RPGRIP1L: variants seen among roughly 807,000 people sequenced by gnomAD.
RPGRIP1L encodes the protein RPGRIP1 like.
A neutral mutation model predicts 160.4 loss-of-function variants in RPGRIP1L; 131 were observed. The observed-to-expected ratio is 0.82, with a 90% CI of 0.71 to 0.94. The LOEUF is 0.94. Among genes scored for constraint, RPGRIP1L ranks in the 40% least tolerant of loss-of-function variants. RPGRIP1L has a pLI of 0.00. For missense variants in RPGRIP1L, 1,522 were observed against 1,535.8 expected (o/e 0.99, Z 0.15); for synonymous variants, 510 against 515.8 (o/e 0.99, Z 0.15).
At chr16:53,698,124 G>A (rs1203760973) in intron 2 of RPGRIP1L, among the ~76,000 whole-genome samples, 11 of 150,650 alleles carry the variant, frequency 7.3e-5, no homozygotes, top group South Asian at 2.1e-4. Flanking sequence ...CCCTCCGCCC[G>A]GCAACCGCCC....
intron 22 of RPGRIP1L, among the ~76,000 whole-genome samples, chr16:53,633,774 T>G (rs994842348): frequency 6.6e-6 from 1 of 151,944 alleles, no homozygotes; most frequent in Admixed American, 6.6e-5. Context: ...AGACTAGAAA[T>G]GATAAAACAA....
intron 22 of RPGRIP1L, 22 bp downstream of exon 22, chr16:53,636,417 T>G (rs762612714): frequency 4.6e-6 from 7 of 1,520,968 alleles, no homozygotes; most frequent in Non-Finnish European, 5.5e-6. Context: ...AGAACATTTC[T>G]AGTTGGCATC....
chr16:53,605,634 A>C lies in RPGRIP1L; in HGVS notation c.3702-20T>G, dbSNP rs1300890769. The C allele has an allele frequency of 1.2e-6, 2 of 1,613,486 alleles. No homozygotes were observed. The highest frequency in any genetic ancestry group is 3.3e-5 in the Admixed American group (2 of 60,016). ...CGAAGGCTGGTAAGGCAGAGATCAG[A>C]GAAAGTCACCACCAAGTGAGAAGAA... On this transcript the variant is annotated intron_variant, in intron 25 of 26. Coordinates refer to ENST00000647211, the MANE Select transcript of RPGRIP1L (RefSeq NM_015272.5).
At chr16:53,656,277 T>C (rs961577433) in intron 14 of RPGRIP1L, among the ~76,000 whole-genome samples, 195 bp downstream of exon 14, 10 of 151,952 alleles carry the variant, frequency 6.6e-5, no homozygotes, top group African/African-American at 2.2e-4. Context: ...CTGGGCAACA[T>C]AGGCTCTACA....
At chr16:53,610,907 T>G in intron 25 of RPGRIP1L, 60 bp downstream of exon 25, 1 of 1,317,566 alleles carries the variant, frequency 7.6e-7, no homozygotes, top group South Asian at 1.2e-5. Flanking sequence ...TTTAACCATG[T>G]CCTGCTACAG....
chr16:53,640,112 T>C (rs966676796), intron 19 of RPGRIP1L, among the ~76,000 whole-genome samples: 23 of 152,192 alleles, frequency 1.5e-4, no homozygotes, highest in Non-Finnish European at 2.2e-4. Flanking sequence ...CTTTTGTGGA[T>C]GACCTGGGTG....
intron 22 of RPGRIP1L, among the ~76,000 whole-genome samples, chr16:53,634,571 C>A (rs1965715029): frequency 1.3e-5 from 2 of 152,074 alleles, no homozygotes; most frequent in African/African-American, 2.4e-5. Flanking sequence ...GGGAGCAAAT[C>A]CCACACGAAT....
At chr16:53,698,526 C>T (rs1403271260) in intron 2 of RPGRIP1L, among the ~76,000 whole-genome samples, 2 of 147,172 alleles carry the variant, frequency 1.4e-5, no homozygotes, top group Admixed American at 6.6e-5. Flanking sequence ...CCAGCCGCCC[C>T]GTCTGGGAGG....
At chr16:53,680,656 A>G (rs1175027513) in intron 6 of RPGRIP1L, among the ~76,000 whole-genome samples, 1 of 152,146 alleles carries the variant, frequency 6.6e-6, no homozygotes, top group Non-Finnish European at 1.5e-5. Flanking sequence ...TGTATCATTC[A>G]TTGTTAAGTG....
Position 53,598,787 on chromosome 16 carries a change from G to A in RPGRIP1L, c.*3289C>T, listed in dbSNP as rs965096468. On this transcript the variant is annotated 3_prime_UTR_variant, in exon 27 of 27. Transcript: ENST00000647211. ...TCAGGCATGAGTGACTTATTAAAATGTACTCTGATAGTTGGGGATGAATTA... is the reference window on the plus strand; with the variant it reads ...TCAGGCATGAGTGACTTATTAAAATATACTCTGATAGTTGGGGATGAATTA... 1 of 152,160 alleles carries A rather than the reference G, an allele frequency of 6.6e-6. No individual in the cohort carries two copies. The highest frequency in any genetic ancestry group is 1.5e-5 in the Non-Finnish European group (1 of 68,030). 9.4% of individuals were successfully genotyped at this position (152,160 alleles called of 1,614,324 possible).
intron 10 of RPGRIP1L, among the ~76,000 whole-genome samples, chr16:53,663,714 TA>T (rs1005319850): frequency 6.6e-6 from 1 of 151,884 alleles, no homozygotes; most frequent in East Asian, 1.9e-4. Context: ...GAAAAAGTCA[TA>T]AAAAAAATCT....
At chr16:53,636,535 A>G in intron 21 of RPGRIP1L, 23 bp from the exon 22 acceptor site, 2 of 1,548,604 alleles carry the variant, frequency 1.3e-6, no homozygotes, top group South Asian at 2.2e-5. Flanking sequence ...TAAAAGGGTA[A>G]CATTTACACA....
rs773725787 is a variant in RPGRIP1L, at chr16:53,649,110, T to C, written c.2158A>G (p.Lys720Glu). 1.5e-5 allele frequency: 25 copies of C among 1,613,924 alleles called. No individual in the cohort carries two copies. The highest frequency in any genetic ancestry group is 2.7e-5 in the African/African-American group (2 of 75,056). ...GTGCCAAAATTTGGGATGTCTCCTT[T>C]TGTTCCTACAAATCAGTACATAACC... Reference protein sequence around the residue: ...IFCTASLIGTKGDIPNFGTVE... With the variant: ...IFCTASLIGTEGDIPNFGTVE... The change falls in exon 16 of 27, where the codon AAA (lysine) becomes GAA (glutamate). Residue 720 changes from lysine (K) to glutamate (E), a missense_variant. Physicochemically the swap from Lys to Glu is moderately conservative, Grantham distance 56. Transcript: ENST00000647211.
intron 22 of RPGRIP1L, among the ~76,000 whole-genome samples, chr16:53,631,381 C>T (rs143305608): frequency 2.0e-3 from 301 of 152,270 alleles, no homozygotes; most frequent in African/African-American, 7.1e-3. Flanking sequence ...TGTAAATATG[C>T]ACTGCACAGA....
intron 17 of RPGRIP1L, 63 bp from the exon 18 acceptor site, chr16:53,641,538 G>A: frequency 7.2e-7 from 1 of 1,379,926 alleles, no homozygotes; most frequent in Middle Eastern, 1.9e-4. Context: ...AAGAATTAAA[G>A]AACAAAGAAC....
chr16:53,605,548 G>A lies in RPGRIP1L; in HGVS notation c.3768C>T (p.Gly1256=), dbSNP rs780364836. 9 of 1,613,854 alleles carry A rather than the reference G, an allele frequency of 5.6e-6. No homozygotes were observed. In the Admixed American group the frequency reaches 6.7e-5, roughly 12 times the overall value. ...TGTCGGCAAGGTCGACGTGAGCCAC[G>A]CCAATGTCCTCACACTCCAGGTCCT... is the stretch of plus-strand genomic sequence containing the variant. ...DEQDLECEDI[G]VAHVDLADMF... Residue 1256 remains glycine, a synonymous_variant, in exon 26 of 27, where the codon GGC becomes GGT. Coordinates refer to ENST00000647211, the MANE Select transcript of RPGRIP1L (RefSeq NM_015272.5).
At chr16:53,668,015 G>A (rs376688846) in intron 9 of RPGRIP1L, among the ~76,000 whole-genome samples, 83 of 151,984 alleles carry the variant, frequency 5.5e-4, no homozygotes, top group Middle Eastern at 6.8e-3. Flanking sequence ...CTATGATTGC[G>A]CCACTGCCCT....
chr16:53,636,717 G>A (rs559708969), intron 21 of RPGRIP1L, among the ~76,000 whole-genome samples: 17 of 151,904 alleles, frequency 1.1e-4, no homozygotes, highest in Non-Finnish European at 2.2e-4. Flanking sequence ...GGTTAATTTT[G>A]GTAGAAGCAA....
intron 2 of RPGRIP1L, 111 bp downstream of exon 2, chr16:53,700,528 G>T: frequency 1.2e-6 from 1 of 832,484 alleles, no homozygotes; most frequent in South Asian, 1.4e-5. Context: ...TCCAATCAAG[G>T]ACTATATAGT....
Sources: gnomAD v4.1 joint callset for allele counts (sites outside exome capture counted in the v4.1 genomes callset) on GRCh38, gnomAD v4.1.1 for gene constraint, MANE v1.5 for transcripts, NCBI Gene and HGNC (gene_info 2026-07-23, HGNC 2026-07-21) for gene names.